Variants in ATRX observed in about 807,000 individuals in gnomAD.
ATRX encodes the protein chromatin remodeler ATRX.
In ATRX, 12 loss-of-function variants were observed where a neutral mutation model predicts 172.6. That is an observed-to-expected ratio of 0.07 (90% CI 0.04 to 0.11). The LOEUF (loss-of-function observed/expected upper bound fraction) is 0.11, where lower values mean the gene tolerates loss of function less well. Ranked by LOEUF, ATRX falls within the 10% of genes least tolerant of loss-of-function variation. The pLI is 1.00. For missense variants in ATRX, 1,368 were observed against 1,767.4 expected, an observed-to-expected ratio of 0.77 and a Z score of 4.05; for synonymous variants, 674 against 594.7, an observed-to-expected ratio of 1.13 and a Z score of -1.94.
At chrX:77,690,467 ATTTT>A (rs782307427) in intron 6 of ATRX, among the ~76,000 whole-genome samples, 2 of 111,463 alleles carry the variant, frequency 1.8e-5, no homozygotes, top group East Asian at 5.6e-4. Flanking sequence ...TTATTTATTT[ATTTT>A]TTTAATTTTA....
chrX:77,706,245 A>C (rs782094720), intron 2 of ATRX, among the ~76,000 whole-genome samples: 1 of 108,904 alleles, frequency 9.2e-6, no homozygotes, highest in Admixed American at 9.9e-5. Flanking sequence ...CGGCCTCCCA[A>C]AGTGCTGGGA....
At chrX:77,543,623 C>T (rs782578972) in intron 30 of ATRX, among the ~76,000 whole-genome samples, 33 of 111,669 alleles carry the variant, frequency 3.0e-4, no homozygotes, top group Admixed American at 5.7e-4. Context: ...GAATACTATG[C>T]GGCCATAAAA....
intron 3 of ATRX, 88 bp from the exon 4 acceptor site, chrX:77,697,723 C>G: frequency 1.2e-6 from 1 of 802,365 alleles, no homozygotes; most frequent in Non-Finnish European, 1.9e-6. Context: ...AACTTCAATA[C>G]AGTGATATAA....
chrX:77,606,826 A>G (rs782321958), intron 22 of ATRX, among the ~76,000 whole-genome samples: 7 of 110,331 alleles, frequency 6.3e-5, no homozygotes, highest in Non-Finnish European at 9.5e-5. Context: ...ATACACACAC[A>G]CATATATGGA....
At chrX:77,718,531 G>A (rs370102663) in intron 1 of ATRX, among the ~76,000 whole-genome samples, 77 of 108,287 alleles carry the variant, frequency 7.1e-4, no homozygotes, top group African/African-American at 1.4e-3. Context: ...CCGCCACCAC[G>A]CCCGGCTAAT....
At chrX:77,615,934 C>G (rs1557096550) in intron 22 of ATRX, 3 of 744,631 alleles carry the variant, frequency 4.0e-6, no homozygotes, top group Non-Finnish European at 4.7e-6. Flanking sequence ...AAGTGATCAA[C>G]AAGTAAGAAA....
At chrX:77,605,862 T>C (rs1378066772) in intron 22 of ATRX, among the ~76,000 whole-genome samples, 1 of 110,852 alleles carries the variant, frequency 9.0e-6, no homozygotes, top group Non-Finnish European at 1.9e-5. Flanking sequence ...AGACTACTTA[T>C]GAAAAAAAAG....
rs138366560 is a variant in ATRX, at chrX:77,684,102, G to A, written c.1154C>T (p.Ser385Phe). Residue 385 changes from serine to phenylalanine, a missense_variant, in exon 9 of 35, where the codon TCT (serine) becomes TTT (phenylalanine). By Grantham distance (155) the Ser-to-Phe change is radical. Around this residue, in one of 17 missense-constraint regions of ATRX, gnomAD observed 843 missense variants for 643.1 expected, o/e 1.31. Coordinates refer to ENST00000373344, the MANE Select transcript of ATRX (RefSeq NM_000489.6). ...KQATDNSEISSATKLRQLKAF... is the reference protein window; with the variant it reads ...KQATDNSEISFATKLRQLKAF... ...CTTAAGCTGACGTAATTTTGTAGCA[G>A]AACTGATTTCTGAATTATCTGTTGC... 8.3e-6 allele frequency: 10 copies of A among 1,205,970 alleles called. No homozygotes were observed. The highest frequency in any genetic ancestry group is 1.1e-5 in the Non-Finnish European group (10 of 892,270).
chrX:77,681,358 A>G (rs1407681878), intron 9 of ATRX, among the ~76,000 whole-genome samples, 162 bp downstream of exon 9: 1 of 112,189 alleles, frequency 8.9e-6, no homozygotes, highest in Non-Finnish European at 1.9e-5. Context: ...GCAGCATAAA[A>G]ATAAATAGGG....
chrX:77,721,027 C>G (rs2073734237), intron 1 of ATRX, among the ~76,000 whole-genome samples: 1 of 111,936 alleles, frequency 8.9e-6, no homozygotes. Context: ...TCAACATACG[C>G]AAATCAATAA....
intron 30 of ATRX, among the ~76,000 whole-genome samples, chrX:77,526,778 C>T (rs1315868907): frequency 8.9e-6 from 1 of 112,163 alleles, no homozygotes; most frequent in Non-Finnish European, 1.9e-5. Flanking sequence ...TCAGGAGACA[C>T]TTATTTTGAG....
chrX:77,526,053 T>C (rs1385880985), intron 30 of ATRX, among the ~76,000 whole-genome samples: 1 of 111,675 alleles, frequency 9.0e-6, no homozygotes, highest in East Asian at 2.8e-4. Flanking sequence ...AACTGTGTCA[T>C]CATAGAATTA....
chrX:77,732,122 C>G (rs1230527556), intron 1 of ATRX, among the ~76,000 whole-genome samples: 7 of 111,795 alleles, frequency 6.3e-5, no homozygotes, highest in Non-Finnish European at 1.1e-4. Context: ...TCCCCATCAA[C>G]CTGGGTGCTG....
chrX:77,660,711 A>G (rs1243817062), intron 12 of ATRX, among the ~76,000 whole-genome samples: 1 of 111,534 alleles, frequency 9.0e-6, no homozygotes, highest in African/African-American at 3.3e-5. Context: ...TGTGTGTGGC[A>G]AGAACTTCTC....
intron 28 of ATRX, 62 bp downstream of exon 28, chrX:77,574,188 T>A (rs2065523250): frequency 1.3e-6 from 1 of 796,956 alleles, no homozygotes; most frequent in Non-Finnish European, 1.9e-6. Context: ...AATAGTGAAC[T>A]TTATGTAAAT....
rs1557125254 is a variant in ATRX, at chrX:77,664,787, T to TA, written c.3810-10dup. 2 of 1,182,573 alleles carry TA rather than the reference T, an allele frequency of 1.7e-6. No homozygotes were observed. The highest frequency in any genetic ancestry group is 1.8e-5 in the South Asian group (1 of 54,723). The stretch of plus-strand genomic sequence containing the variant: ...GCATCTTCTTGGCAATTCTTGAGAG[T>TA]AAAAAACAATAAAAAAAGAACTATA... On this transcript the variant is annotated splice_polypyrimidine_tract_variant and intron_variant, in intron 10 of 34. Transcript: ENST00000373344.
At chrX:77,763,588 G>A (rs962968331) in intron 1 of ATRX, among the ~76,000 whole-genome samples, 10 of 106,095 alleles carry the variant, frequency 9.4e-5, no homozygotes, top group African/African-American at 2.1e-4. Context: ...CTCCTGCCTC[G>A]GCCTCCCGAG....
In ATRX at chrX:77,683,140, T is replaced by A. The variant is rs918710917; in HGVS notation, c.2116A>T (p.Ser706Cys). Reference protein sequence around the residue: ...RKKDKRNSSDSAIDNPKPNKL... With the variant: ...RKKDKRNSSDCAIDNPKPNKL... ...TTAGGCTTAGGATTATCTATAGCAC[T>A]GTCAGAAGAATTACGCTTATCCTTT... The change falls in exon 9 of 35, where the codon AGT becomes TGT. Residue 706 changes from serine (S) to cysteine (C), a missense_variant. Physicochemically the swap from Ser to Cys is moderately radical, Grantham distance 112. This residue lies in a region of ATRX where 843 missense variants were observed against 643.1 expected (regional missense o/e 1.31). Coordinates refer to ENST00000373344, the MANE Select transcript of ATRX (RefSeq NM_000489.6). 2 of 1,209,051 alleles carry A rather than the reference T, an allele frequency of 1.7e-6. No homozygotes were observed. Among genetic ancestry groups the A allele is most frequent in the African/African-American group, 1.7e-5 (1 of 57,168 alleles).
chrX:77,717,912 G>C (rs1199087284), intron 1 of ATRX, among the ~76,000 whole-genome samples: 1 of 111,128 alleles, frequency 9.0e-6, no homozygotes, highest in Non-Finnish European at 1.9e-5. Context: ...GGATTAAACA[G>C]CAAAAAGGTA....
Sources: allele counts gnomAD v4.1 joint callset (sites outside exome capture counted in the v4.1 genomes callset), GRCh38; gene constraint gnomAD v4.1.1; regional missense constraint gnomAD v4.1.1; transcripts MANE v1.5; gene names NCBI Gene and HGNC (gene_info 2026-07-23, HGNC 2026-07-21).